Variants in OTUD7A observed in about 807,000 individuals in gnomAD.
OTUD7A encodes the protein OTU domain-containing protein 7A.
In OTUD7A, 12 loss-of-function variants were observed where a neutral mutation model predicts 65.7. The observed-to-expected ratio is 0.18, with a 90% CI of 0.12 to 0.30. OTUD7A has a LOEUF of 0.30. Among genes scored for constraint, OTUD7A ranks in the 10% least tolerant of loss-of-function variants. OTUD7A has a pLI of 1.00. For synonymous variants in OTUD7A, 641 were observed against 586.3 expected (o/e 1.09, Z -1.35); for missense variants, 1,148 against 1,304.8 (o/e 0.88, Z 1.85).
rs1476384998 is a variant in OTUD7A at position 31,480,797 on chromosome 15, G to A, written c.*2497C>T. The A allele has an allele frequency of 2.0e-5, 3 of 152,258 alleles. No individual in the cohort carries two copies. Among genetic ancestry groups the A allele is most frequent in the Non-Finnish European group, 4.4e-5 (3 of 68,040 alleles). 9.4% of individuals were successfully genotyped at this position (152,258 alleles called of 1,614,324 possible). A position where few individuals can be genotyped will look rare whatever the true frequency, so the allele number is the denominator to read the frequency against. On this transcript the variant is annotated 3_prime_UTR_variant, in exon 13 of 13. Coordinates refer to ENST00000307050, the MANE Select transcript of OTUD7A (RefSeq NM_001382637.1). ...AAGGAAATGGCTATTCCTAAGTCAT[G>A]TGGACTGAGTGGTAATGTATCAGCC...
At chr15:31,768,225 T>A in intron 1 of OTUD7A, 1 of 952,870 alleles carries the variant, frequency 1.0e-6, no homozygotes. Flanking sequence ...TCCGGTGGCA[T>A]CCATGGCAGT....
At chr15:31,767,816 TTGGAAAAGTTCTCTA>T in intron 1 of OTUD7A, 1 of 822,726 alleles carries the variant, frequency 1.2e-6, no homozygotes, top group East Asian at 2.4e-5. Context: ...ATCTTTATCT[TTGGAAAAGTTCTCTA>T]TGCTGTTTTT....
chr15:31,865,031 C>G (rs951161151), intron 1 of OTUD7A, among the ~76,000 whole-genome samples: 3 of 99,402 alleles, frequency 3.0e-5, no homozygotes, highest in Non-Finnish European at 7.1e-5. Flanking sequence ...TGTGGCCCCC[C>G]CCTGGGGTTG....
In OTUD7A at chr15:31,526,429, C is replaced by T. The variant is rs371813913; in HGVS notation, c.813G>A (p.Glu271=). The stretch of plus-strand genomic sequence containing the variant: ...GCTTCAGCAGCTCCGTCCACTCCCG[C>T]TCCCACTCCTCCTCTGTGTACACCA... ...SGLVYTEEEW[E]REWTELLKLA... is the part of the protein sequence containing the mutation. The change falls in exon 8 of 13, where the codon GAG becomes GAA. Residue 271 remains glutamate, a synonymous_variant. Coordinates refer to ENST00000307050, the MANE Select transcript of OTUD7A (RefSeq NM_001382637.1). 373 of 1,601,692 alleles carry T rather than the reference C, an allele frequency of 2.3e-4. No individual in the cohort carries two copies. Among genetic ancestry groups the T allele is most frequent in the Middle Eastern group, 3.3e-4 (2 of 5,988 alleles).
At chr15:31,714,965 G>A (rs993108188) in intron 1 of OTUD7A, among the ~76,000 whole-genome samples, 4 of 151,582 alleles carry the variant, frequency 2.6e-5, no homozygotes, top group East Asian at 2.0e-4. Context: ...GTGAAACCCC[G>A]TCTCTACTAA....
At chr15:31,525,703 C>G (rs1022006168) in intron 8 of OTUD7A, among the ~76,000 whole-genome samples, 2 of 152,248 alleles carry the variant, frequency 1.3e-5, no homozygotes, top group African/African-American at 4.8e-5. Context: ...GAAGAATAAG[C>G]CGCGGCCAAG....
chr15:31,683,091 T>C (rs34342574), intron 1 of OTUD7A, among the ~76,000 whole-genome samples: 2 of 152,210 alleles, frequency 1.3e-5, no homozygotes, highest in Admixed American at 1.3e-4. Flanking sequence ...AAAAATAATT[T>C]AGATTTCACA....
intron 8 of OTUD7A, among the ~76,000 whole-genome samples, chr15:31,507,007 T>G (rs895125271): frequency 6.6e-6 from 1 of 152,226 alleles, no homozygotes; most frequent in Non-Finnish European, 1.5e-5. Flanking sequence ...AAAGTGTGAA[T>G]GGAATATTTT....
intron 3 of OTUD7A, among the ~76,000 whole-genome samples, chr15:31,586,508 G>A (rs1316324352): frequency 6.6e-6 from 1 of 152,194 alleles, no homozygotes; most frequent in Non-Finnish European, 1.5e-5. Flanking sequence ...TTTGGCCACA[G>A]CCCTGCTGTG....
intron 3 of OTUD7A, among the ~76,000 whole-genome samples, chr15:31,618,900 G>A (rs947997241): frequency 1.3e-5 from 2 of 152,058 alleles, no homozygotes; most frequent in Admixed American, 1.3e-4. Context: ...GGGTTTTTAT[G>A]GTTTTAGGTC....
intron 1 of OTUD7A, chr15:31,767,232 A>G: frequency 1.1e-6 from 1 of 922,424 alleles, no homozygotes; most frequent in Admixed American, 2.0e-5. Context: ...GATTTTATGT[A>G]TCCCACTGGA....
chr15:31,507,839 G>T (rs1395635525), intron 8 of OTUD7A, among the ~76,000 whole-genome samples: 1 of 152,140 alleles, frequency 6.6e-6, no homozygotes, highest in Non-Finnish European at 1.5e-5. Context: ...CAATCCTCTT[G>T]TAAGACAGAA....
chr15:31,573,329 T>A (rs1889108393), intron 3 of OTUD7A, among the ~76,000 whole-genome samples: 1 of 152,184 alleles, frequency 6.6e-6, no homozygotes, highest in South Asian at 2.1e-4. Context: ...AGAAAACATT[T>A]CTCAAATGGA....
At chr15:31,615,215 AC>A (rs1342581394) in intron 3 of OTUD7A, among the ~76,000 whole-genome samples, 2 of 152,180 alleles carry the variant, frequency 1.3e-5, no homozygotes, top group Non-Finnish European at 2.9e-5. Context: ...GATTTAAAAA[AC>A]CTTAATTTTA....
intron 3 of OTUD7A, among the ~76,000 whole-genome samples, chr15:31,592,879 C>CAAAAAAA (rs1170532149): frequency 1.3e-3 from 11 of 8,536 alleles, no homozygotes; most frequent in African/African-American, 1.4e-3. Context: ...GGCTCTGTCT[C>CAAAAAAA]AAAAAAAAAA....
intron 1 of OTUD7A, among the ~76,000 whole-genome samples, chr15:31,755,224 A>C (rs1211477711): frequency 6.6e-6 from 1 of 152,058 alleles, no homozygotes; most frequent in Non-Finnish European, 1.5e-5. Context: ...AAAGTGAGGA[A>C]GTATTAATAA....
At chr15:31,686,183 C>T (rs1595708123) in intron 1 of OTUD7A, among the ~76,000 whole-genome samples, 1 of 152,310 alleles carries the variant, frequency 6.6e-6, no homozygotes, top group East Asian at 1.9e-4. Context: ...GAGGCCTGGC[C>T]CAGGGCTGTG....
At chr15:31,594,933 G>C (rs1427202205) in intron 3 of OTUD7A, among the ~76,000 whole-genome samples, 1 of 152,218 alleles carries the variant, frequency 6.6e-6, no homozygotes, top group Non-Finnish European at 1.5e-5. Context: ...GCATGCATCA[G>C]GGGGACTGTG....
At chr15:31,857,315 TG>T (rs765292636) in intron 1 of OTUD7A, among the ~76,000 whole-genome samples, 1 of 152,166 alleles carries the variant, frequency 6.6e-6, no homozygotes, top group Non-Finnish European at 1.5e-5. Flanking sequence ...ACACTGGAGC[TG>T]GTAGCTGAAC....
Sources: allele counts gnomAD v4.1 joint callset (sites outside exome capture counted in the v4.1 genomes callset), GRCh38; gene constraint gnomAD v4.1.1; transcripts MANE v1.5; gene names NCBI Gene and HGNC (gene_info 2026-07-23, HGNC 2026-07-21).